The following SBF2 variants were observed in gnomAD, a reference collection of about 807,000 sequenced individuals.
The protein encoded by SBF2 is SET binding factor 2.
Under a neutral mutation model 225.2 loss-of-function variants are expected in SBF2, and 112 were observed. That is an observed-to-expected ratio of 0.50 (90% CI 0.43 to 0.58). The LOEUF (loss-of-function observed/expected upper bound fraction) is 0.58. Among genes scored for constraint, SBF2 ranks in the 20% least tolerant of loss-of-function variants. The pLI, the probability that SBF2 is intolerant of heterozygous loss-of-function variation, is 0.00. For synonymous variants in SBF2, 763 were observed against 773.3 expected (o/e 0.99, Z 0.22); for missense variants, 1,996 against 2,206.2 (o/e 0.90, Z 1.91).
chr11:9,919,169 T>C (rs1377603471), intron 16 of SBF2, among the ~76,000 whole-genome samples: 2 of 152,192 alleles, frequency 1.3e-5, no homozygotes, highest in African/African-American at 4.8e-5. Flanking sequence ...CATTTCTTTA[T>C]ACCACTATTG....
chr11:10,215,220 A>T (rs1456789183), intron 1 of SBF2, among the ~76,000 whole-genome samples: 1 of 152,170 alleles, frequency 6.6e-6, no homozygotes, highest in Non-Finnish European at 1.5e-5. Context: ...GTGGAACCTA[A>T]ATCATGTCCA....
intron 28 of SBF2, among the ~76,000 whole-genome samples, chr11:9,819,847 C>A (rs1055290434): frequency 6.6e-6 from 1 of 152,136 alleles, no homozygotes; most frequent in Non-Finnish European, 1.5e-5. Context: ...AGCATTGCCA[C>A]GCTATCTTCC....
intron 16 of SBF2, among the ~76,000 whole-genome samples, chr11:9,942,864 A>AAAGG (rs1316810493): frequency 7.2e-6 from 1 of 139,460 alleles, no homozygotes; most frequent in Non-Finnish European, 1.6e-5. Flanking sequence ...AGAAAGGAAG[A>AAAGG]AAGGAAGAAA....
At chr11:10,129,460 T>C (rs1318017367) in intron 2 of SBF2, among the ~76,000 whole-genome samples, 1 of 152,212 alleles carries the variant, frequency 6.6e-6, no homozygotes, top group Admixed American at 6.5e-5. Flanking sequence ...CATAGCCATG[T>C]GCTGTGCTTA....
intron 1 of SBF2, among the ~76,000 whole-genome samples, chr11:10,276,942 G>A (rs890536774): frequency 6.6e-6 from 1 of 152,066 alleles, no homozygotes; most frequent in African/African-American, 2.4e-5. Context: ...TTAAAACTGT[G>A]TAAAACAGGC....
chr11:10,188,608 T>C (rs1957038985), intron 2 of SBF2, among the ~76,000 whole-genome samples: 1 of 152,218 alleles, frequency 6.6e-6, no homozygotes, highest in Non-Finnish European at 1.5e-5. Context: ...ACACTAGTTC[T>C]AGTACAGGAT....
chr11:10,185,788 G>A (rs1956912455), intron 2 of SBF2, among the ~76,000 whole-genome samples: 1 of 151,932 alleles, frequency 6.6e-6, no homozygotes. Flanking sequence ...GAGTGGCTGT[G>A]GTACCGCTAA....
At chr11:9,919,244 G>C (rs1298507899) in intron 16 of SBF2, among the ~76,000 whole-genome samples, 1 of 148,640 alleles carries the variant, frequency 6.7e-6, no homozygotes, top group Non-Finnish European at 1.5e-5. Flanking sequence ...ATTTGAAATA[G>C]CCTCTCCTTT....
intron 38 of SBF2, chr11:9,783,103 A>AAGAC (rs1852138653): frequency 2.0e-5 from 1 of 49,636 alleles, no homozygotes; most frequent in Non-Finnish European, 5.6e-5. Context: ...AGAAGTCCAG[A>AAGAC]AGACTGGTAA....
intron 2 of SBF2, among the ~76,000 whole-genome samples, chr11:10,100,003 T>A (rs1275209645): frequency 6.6e-6 from 1 of 152,168 alleles, no homozygotes; most frequent in Non-Finnish European, 1.5e-5. Flanking sequence ...TATCTATCAA[T>A]AATTACTTTA....
intron 2 of SBF2, among the ~76,000 whole-genome samples, chr11:10,112,861 GT>G (rs1952940938): frequency 6.6e-6 from 1 of 152,088 alleles, no homozygotes; most frequent in Non-Finnish European, 1.5e-5. Context: ...TAGGAAAGAA[GT>G]GCATTACATA....
intron 1 of SBF2, among the ~76,000 whole-genome samples, chr11:10,280,899 G>T (rs1963364960): frequency 6.6e-6 from 1 of 152,208 alleles, no homozygotes; most frequent in Non-Finnish European, 1.5e-5. Context: ...GACAGATATA[G>T]ATTATGTGTA....
chr11:10,238,485 T>C (rs993938088), intron 1 of SBF2, among the ~76,000 whole-genome samples: 1 of 152,016 alleles, frequency 6.6e-6, no homozygotes, highest in Admixed American at 6.6e-5. Flanking sequence ...AACTTCAAAG[T>C]GGACTTTCAG....
intron 2 of SBF2, among the ~76,000 whole-genome samples, chr11:10,087,609 AAC>A (rs1238029909): frequency 1.3e-5 from 2 of 152,218 alleles, no homozygotes; most frequent in African/African-American, 4.8e-5. Flanking sequence ...TTTTATCAAA[AAC>A]AGTGTTAGTA....
At chr11:10,112,355 A>G (rs1952915879) in intron 2 of SBF2, among the ~76,000 whole-genome samples, 1 of 152,170 alleles carries the variant, frequency 6.6e-6, no homozygotes, top group Admixed American at 6.5e-5. Flanking sequence ...TTCTCGTGAT[A>G]GTGACTGAGT....
chr11:10,183,783 A>G (rs190031061), intron 2 of SBF2, among the ~76,000 whole-genome samples: 92 of 152,324 alleles, frequency 6.0e-4, no homozygotes, highest in African/African-American at 2.1e-3. Context: ...ACAAAAAACA[A>G]AAATTTGAGC....
In SBF2 at chr11:9,856,313, C is replaced by G. The variant is rs1020463130; in HGVS notation, c.2363+145G>C. The G allele has an allele frequency of 3.0e-6, 3 of 1,007,254 alleles. No homozygotes were observed. In the African/African-American group the frequency reaches 4.8e-5, roughly 16 times the overall value. The allele number at this position is 1,007,254 out of a possible 1,614,324, so 62.4% of individuals were successfully genotyped here. On this transcript the variant is annotated intron_variant, in intron 19 of 39. Coordinates refer to ENST00000256190, the MANE Select transcript of SBF2 (RefSeq NM_030962.4). ...GAAGTGAATCTTTTAGAAAGAAAAG[C>G]TGAGCAAGTCCAAAGGTGAGGAAAA...
At chr11:10,054,493 T>C (rs1306789501) in intron 2 of SBF2, among the ~76,000 whole-genome samples, 3 of 152,212 alleles carry the variant, frequency 2.0e-5, no homozygotes, top group African/African-American at 7.2e-5. Context: ...ATTAAGGCTT[T>C]ACATTTAAAA....
chr11:10,109,443 A>C (rs149034066), intron 2 of SBF2, among the ~76,000 whole-genome samples: 93 of 152,272 alleles, frequency 6.1e-4, no homozygotes, highest in African/African-American at 2.1e-3. Flanking sequence ...TGACAGTATT[A>C]TTTTTAGCTC....
Sources: gnomAD v4.1 joint callset for allele counts (sites outside exome capture counted in the v4.1 genomes callset) on GRCh38, gnomAD v4.1.1 for gene constraint, MANE v1.5 for transcripts, NCBI Gene and HGNC (gene_info 2026-07-23, HGNC 2026-07-21) for gene names.